The following TMPO variants were observed in gnomAD, a reference collection of about 807,000 sequenced individuals.
TMPO encodes thymopoietin.
In TMPO, 22 loss-of-function variants were observed where a neutral mutation model predicts 45.4. The observed-to-expected ratio is 0.48, with a 90% CI of 0.35 to 0.69. The LOEUF (loss-of-function observed/expected upper bound fraction) is 0.69. Ranked by LOEUF, TMPO falls within the 30% of genes least tolerant of loss-of-function variation. The pLI is 0.01. For synonymous variants in TMPO, 241 were observed against 204.1 expected (o/e 1.18, Z -1.54); for missense variants, 512 against 548.8 (o/e 0.93, Z 0.67).
chr12:98,528,613 A>G (rs765183143), intron 2 of TMPO, among the ~76,000 whole-genome samples: 92 of 150,568 alleles, frequency 6.1e-4, no homozygotes, highest in Admixed American at 1.4e-3. Flanking sequence ...TGGGTCTTGT[A>G]TGACAATTGA....
chr12:98,534,686 A>G, intron 3 of TMPO: 5 of 1,108,916 alleles, frequency 4.5e-6, no homozygotes, highest in Non-Finnish European at 5.5e-6. Flanking sequence ...TCAATAGAAT[A>G]ATATGCATCC....
rs1222380041 is a variant in TMPO at position 98,546,566 on chromosome 12, GTA to G, written c.1079+120_1079+121del. 50 of 775,920 alleles carry G rather than the reference GTA, an allele frequency of 6.4e-5. No individual in the cohort carries two copies. In the East Asian group the frequency reaches 1.2e-3, roughly 19 times the overall value. The allele number at this position is 775,920 out of a possible 1,614,324, so 48.1% of individuals were successfully genotyped here. ...AATTAAGCTGTTTTTTTGGAGCCAG[GTA>G]CAATGGTACATGCCTGTAGTCCCAG... On this transcript the variant is annotated intron_variant, in intron 8 of 8. Transcript: ENST00000556029.
Position 98,537,819 on chromosome 12 carries a change from C to T in TMPO, c.663+247C>T, listed in dbSNP as rs1282707375. ...GTCTGTGCTAGATGTAGTTCAAAGC[C>T]AGTTATATGGTGTTTTGAAAGAAAT... On this transcript the variant is annotated intron_variant, in intron 4 of 8. Transcript: ENST00000556029. The T allele has an allele frequency of 2.2e-5, 13 of 579,026 alleles. No individual in the cohort carries two copies. In the East Asian group the frequency reaches 3.3e-4, roughly 15 times the overall value. 35.9% of individuals were successfully genotyped at this position (579,026 alleles called of 1,614,324 possible).
chr12:98,520,249 C>T (rs951413149), intron 1 of TMPO, among the ~76,000 whole-genome samples: 31 of 143,174 alleles, frequency 2.2e-4, no homozygotes, highest in African/African-American at 7.7e-4. Flanking sequence ...CATGAGCCAC[C>T]GCGCCCGGCC....
At chr12:98,519,632 G>T (rs1232787415) in intron 1 of TMPO, among the ~76,000 whole-genome samples, 1 of 151,892 alleles carries the variant, frequency 6.6e-6, no homozygotes, top group Non-Finnish European at 1.5e-5. Flanking sequence ...CTTCTACCTG[G>T]AGTATTTAAA....
At chr12:98,525,351 C>T (rs1876684865) in intron 1 of TMPO, among the ~76,000 whole-genome samples, 1 of 152,182 alleles carries the variant, frequency 6.6e-6, no homozygotes, top group Non-Finnish European at 1.5e-5. Flanking sequence ...TTCTTATGAG[C>T]AGCTATTTTT....
At chr12:98,544,168 T>G in intron 4 of TMPO, 62 bp from the exon 5 acceptor site, 1 of 1,588,922 alleles carries the variant, frequency 6.3e-7, no homozygotes, top group Non-Finnish European at 8.6e-7. Flanking sequence ...TGTGCCAGTA[T>G]GGCCGTTATT....
intron 1 of TMPO, 174 bp from the exon 2 acceptor site, chr12:98,527,712 A>C (rs567245706): frequency 4.5e-6 from 3 of 662,576 alleles, no homozygotes; most frequent in Non-Finnish European, 7.7e-6. Flanking sequence ...TTACAGTTCA[A>C]CTTAGAAAGT....
Position 98,548,091 on chromosome 12 carries a change from C to T in TMPO, c.*233C>T. On this transcript the variant is annotated 3_prime_UTR_variant, in exon 9 of 9. Coordinates refer to ENST00000556029, the MANE Select transcript of TMPO (RefSeq NM_001032283.3). ...GCCATATGAATAATCTTTTTTAGCT[C>T]TGGAACTTTTTGTAGGCTTTATTTT... is the stretch of plus-strand genomic sequence containing the variant. 3 of 423,062 alleles carry T rather than the reference C, an allele frequency of 7.1e-6. No homozygotes were observed. Among genetic ancestry groups the T allele is most frequent in the Non-Finnish European group, 1.2e-5 (3 of 243,352 alleles). The allele number at this position is 423,062 out of a possible 1,614,324, so 26.2% of individuals were successfully genotyped here.
At chr12:98,516,383 G>C in intron 1 of TMPO, 1 of 1,199,900 alleles carries the variant, frequency 8.3e-7, no homozygotes, top group Non-Finnish European at 1.0e-6. Context: ...GAGGTGTGGA[G>C]TTGCGTTGGC....
In TMPO at chr12:98,533,221, T is replaced by C. The variant is rs377711296; in HGVS notation, c.565+1383T>C. ...GATTAAAGAAACCACCACTGGTTAC[T>C]ATAAAGACATAGTAGAAAATATTTG... On this transcript the variant is annotated intron_variant, in intron 3 of 8. Transcript: ENST00000556029. 6 of 1,613,952 alleles carry C rather than the reference T, an allele frequency of 3.7e-6. No homozygotes were observed. The African/African-American group carries it at 8.0e-5, about 22-fold the overall frequency.
At chr12:98,545,392 G>C (rs1044565014) in intron 7 of TMPO, among the ~76,000 whole-genome samples, 1 of 152,082 alleles carries the variant, frequency 6.6e-6, no homozygotes, top group African/African-American at 2.4e-5. Flanking sequence ...GGCTATGAGG[G>C]AGGCTACACT....
chr12:98,539,408 C>T (rs1469958013), intron 4 of TMPO, among the ~76,000 whole-genome samples: 1 of 151,172 alleles, frequency 6.6e-6, no homozygotes, highest in African/African-American at 2.4e-5. Flanking sequence ...ATAGATGTGC[C>T]ACAGTTGTCA....
At chr12:98,546,553 T>A in intron 8 of TMPO, 106 bp downstream of exon 8, 2 of 922,394 alleles carry the variant, frequency 2.2e-6, no homozygotes, top group East Asian at 5.0e-5. Context: ...TTAAGCTGTT[T>A]TTTTGGAGCC....
At chr12:98,519,937 TC>T (rs1876205101) in intron 1 of TMPO, among the ~76,000 whole-genome samples, 1 of 152,068 alleles carries the variant, frequency 6.6e-6, no homozygotes, top group Non-Finnish European at 1.5e-5. Flanking sequence ...AGGTCATATT[TC>T]TTTTTTTTTC....
chr12:98,523,524 AG>A (rs1269147642), intron 1 of TMPO, among the ~76,000 whole-genome samples: 2 of 151,888 alleles, frequency 1.3e-5, no homozygotes, highest in Non-Finnish European at 2.9e-5. Context: ...CCTGGGCAAC[AG>A]AGTGAGACTC....
intron 1 of TMPO, among the ~76,000 whole-genome samples, chr12:98,518,414 C>G (rs889407432): frequency 6.6e-6 from 1 of 151,114 alleles, no homozygotes; most frequent in Non-Finnish European, 1.5e-5. Context: ...GCCTCAGCTT[C>G]CCTGAGTAGC....
intron 1 of TMPO, chr12:98,516,623 T>C (rs536354297): frequency 1.1e-6 from 1 of 870,150 alleles, no homozygotes; most frequent in East Asian, 1.2e-4. Flanking sequence ...CTAACCAAAA[T>C]TTGAAATGAG....
intron 3 of TMPO, chr12:98,533,779 C>T: frequency 6.2e-7 from 1 of 1,614,210 alleles, no homozygotes; most frequent in Non-Finnish European, 8.5e-7. Flanking sequence ...AGAATGGCAG[C>T]AAGTTGACAG....
Sources: allele counts gnomAD v4.1 joint callset (sites outside exome capture counted in the v4.1 genomes callset), GRCh38; gene constraint gnomAD v4.1.1; transcripts MANE v1.5; gene names NCBI Gene and HGNC (gene_info 2026-07-23, HGNC 2026-07-21).